Variants in RIN2 observed in about 807,000 individuals in gnomAD.
RIN2 encodes RAB5 interacting protein 2.
A neutral mutation model predicts 78.0 loss-of-function variants in RIN2; 36 were observed. The ratio of observed to expected loss-of-function variants is 0.46; its 90% CI spans 0.35 to 0.61. The LOEUF (loss-of-function observed/expected upper bound fraction) is 0.61, where lower values mean the gene tolerates loss of function less well. RIN2 is among the 20% of genes least tolerant of loss of function. The pLI is 0.00. For synonymous variants in RIN2, 466 were observed against 466.8 expected (o/e 1.00, Z 0.02); for missense variants, 1,087 against 1,159.7 (o/e 0.94, Z 0.91).
chr20:19,833,036 C>T (rs1428564298), intron 2 of RIN2, among the ~76,000 whole-genome samples: 1 of 152,154 alleles, frequency 6.6e-6, no homozygotes, highest in East Asian at 1.9e-4. Context: ...CCGGATTACC[C>T]TGCCCTACAT....
intron 2 of RIN2, among the ~76,000 whole-genome samples, chr20:19,859,384 T>C: frequency 6.6e-6 from 1 of 152,242 alleles, no homozygotes; most frequent in East Asian, 1.9e-4. Flanking sequence ...TAGGCAAGAA[T>C]AGTGCTTCCA....
rs1336822016 is a variant in RIN2, at chr20:19,974,779, A to G, written c.754A>G (p.Ile252Val). 1.9e-6 allele frequency: 3 copies of G among 1,613,954 alleles called. No homozygotes were observed. The highest frequency in any genetic ancestry group is 1.1e-5 in the South Asian group (1 of 91,076). Residue 252 changes from isoleucine (I) to valine (V), a missense_variant, in exon 9 of 13, where the codon ATC becomes GTC. This residue lies in a region of RIN2 where 706 missense variants were observed against 667.5 expected (regional missense o/e 1.06). Coordinates refer to ENST00000255006, the MANE Select transcript of RIN2 (RefSeq NM_018993.4). ...QLCLINGVHS[I>V]KTRTPSELEC... ...CTGCCTTATAAATGGAGTGCATTCT[A>G]TCAAAACCAGGACGCCTTCAGAGCT... is the stretch of plus-strand genomic sequence containing the variant.
intron 2 of RIN2, among the ~76,000 whole-genome samples, chr20:19,827,720 C>T (rs1266482475): frequency 6.6e-6 from 1 of 152,078 alleles, no homozygotes; most frequent in African/African-American, 2.4e-5. Flanking sequence ...CTGGTCTCCT[C>T]TTCCTGTCTT....
At chr20:19,777,415 G>A (rs565680723) in intron 1 of RIN2, among the ~76,000 whole-genome samples, 1 of 152,228 alleles carries the variant, frequency 6.6e-6, no homozygotes, top group Non-Finnish European at 1.5e-5. Context: ...CAGAACTTCA[G>A]CTCTGCATTC....
intron 5 of RIN2, 54 bp downstream of exon 5, chr20:19,956,861 T>C: frequency 4.2e-6 from 6 of 1,424,010 alleles, no homozygotes; most frequent in Non-Finnish European, 5.6e-6. Context: ...TGCTGCCGGC[T>C]TAAAGAAAAA....
intron 9 of RIN2, among the ~76,000 whole-genome samples, chr20:19,986,249 G>A (rs1335614222): frequency 6.6e-6 from 1 of 151,934 alleles, no homozygotes; most frequent in Non-Finnish European, 1.5e-5. Flanking sequence ...TCCTATTGGA[G>A]AGAGCCAGCT....
chr20:19,865,510 A>G lies in RIN2; in HGVS notation c.-36-24056A>G, dbSNP rs2037478041. ...TTTCTTTTTTTTTTTTTTTGGCAACAGTGTCTTGCTCTGTTAACCCAGGCT... is the reference window on the plus strand; with the variant it reads ...TTTCTTTTTTTTTTTTTTTGGCAACGGTGTCTTGCTCTGTTAACCCAGGCT... On this transcript the variant is annotated intron_variant, in intron 2 of 12. Transcript: ENST00000255006. 9.0e-5 allele frequency among the ~76,000 whole-genome samples: 9 copies of G among 100,456 alleles called. No individual in the cohort carries two copies. In the South Asian group the frequency reaches 2.6e-3, roughly 29 times the overall value. 65.9% of individuals were successfully genotyped at this position (100,456 alleles called of 152,430 possible). A position where few individuals can be genotyped will look rare whatever the true frequency, so the allele number is the denominator to read the frequency against.
At chr20:19,860,356 CTG>C (rs34676957) in intron 2 of RIN2, among the ~76,000 whole-genome samples, 68,280 of 151,440 alleles carry the variant, frequency 0.45, 16,124 homozygotes, top group African/African-American at 0.58. Context: ...GAGTCTCACT[CTG>C]TTGCTCAGGC....
intron 1 of RIN2, among the ~76,000 whole-genome samples, chr20:19,779,078 A>G (rs879742928): frequency 6.6e-6 from 1 of 152,214 alleles, no homozygotes; most frequent in Non-Finnish European, 1.5e-5. Context: ...CAATAATGGT[A>G]GTGACGGGAG....
At chr20:19,863,062 C>T (rs1004770177) in intron 2 of RIN2, among the ~76,000 whole-genome samples, 12 of 152,164 alleles carry the variant, frequency 7.9e-5, no homozygotes, top group African/African-American at 2.4e-4. Flanking sequence ...CTAAGGTGAG[C>T]GTTTTCTCAT....
At chr20:19,868,584 C>T (rs1029003931) in intron 2 of RIN2, among the ~76,000 whole-genome samples, 7 of 152,074 alleles carry the variant, frequency 4.6e-5, no homozygotes, top group South Asian at 4.2e-4. Flanking sequence ...CTGGGCAGAC[C>T]GTGAACATTC....
At chr20:19,902,913 G>A (rs1255608446) in intron 3 of RIN2, among the ~76,000 whole-genome samples, 1 of 152,032 alleles carries the variant, frequency 6.6e-6, no homozygotes, top group Non-Finnish European at 1.5e-5. Flanking sequence ...CTAACGCGGT[G>A]AAACCCCGTC....
intron 2 of RIN2, among the ~76,000 whole-genome samples, chr20:19,866,356 G>T (rs1262402826): frequency 6.6e-6 from 1 of 152,130 alleles, no homozygotes; most frequent in Non-Finnish European, 1.5e-5. Flanking sequence ...GTCTTGGGGG[G>T]TGGGGGACCC....
At chr20:19,796,037 A>AT (rs1416771574) in intron 1 of RIN2, among the ~76,000 whole-genome samples, 6 of 152,118 alleles carry the variant, frequency 3.9e-5, no homozygotes, top group Non-Finnish European at 1.5e-5. Context: ...CTAAAAAAAA[A>AT]GAAAGAAGAG....
At chr20:19,848,461 G>C (rs2036853501) in intron 2 of RIN2, among the ~76,000 whole-genome samples, 1 of 150,384 alleles carries the variant, frequency 6.6e-6, no homozygotes, top group Non-Finnish European at 1.5e-5. Context: ...ACTTGAACCA[G>C]GGAGTCGGAG....
At chr20:19,797,534 G>A (rs915553317) in intron 1 of RIN2, among the ~76,000 whole-genome samples, 1 of 152,130 alleles carries the variant, frequency 6.6e-6, no homozygotes, top group African/African-American at 2.4e-5. Context: ...GATTTATGAA[G>A]CTCACCCTGA....
chr20:19,763,094 A>G (rs967142046), intron 1 of RIN2, among the ~76,000 whole-genome samples: 32 of 152,140 alleles, frequency 2.1e-4, no homozygotes, highest in African/African-American at 7.7e-4. Flanking sequence ...TGTTGAGTTT[A>G]AAAGTCCTGG....
At chr20:19,924,999 A>G (rs991889085) in intron 3 of RIN2, among the ~76,000 whole-genome samples, 1 of 150,850 alleles carries the variant, frequency 6.6e-6, no homozygotes, top group African/African-American at 2.4e-5. Context: ...TCGGCCTCCC[A>G]AAGTGCTGGG....
intron 2 of RIN2, among the ~76,000 whole-genome samples, chr20:19,846,794 G>T (rs2036798450): frequency 6.6e-6 from 1 of 152,158 alleles, no homozygotes; most frequent in African/African-American, 2.4e-5. Flanking sequence ...CTTGTCTTGT[G>T]CCGGTTTTCA....
Sources: gnomAD v4.1 joint callset for allele counts (sites outside exome capture counted in the v4.1 genomes callset) on GRCh38, gnomAD v4.1.1 for gene constraint, gnomAD v4.1.1 regional missense constraint, MANE v1.5 for transcripts, NCBI Gene and HGNC (gene_info 2026-07-23, HGNC 2026-07-21) for gene names.